MIS18A: variants seen among roughly 807,000 people sequenced by gnomAD.
MIS18A encodes the protein protein Mis18-alpha.
MIS18A carries 14 observed loss-of-function variants against 25.0 expected under a neutral mutation model. That is an observed-to-expected ratio of 0.56 (90% CI 0.37 to 0.88). The LOEUF (loss-of-function observed/expected upper bound fraction) is 0.88. Ranked by LOEUF, MIS18A falls within the 40% of genes least tolerant of loss-of-function variation. MIS18A has a pLI of 0.00. For missense variants in MIS18A, 292 were observed against 290.8 expected, an observed-to-expected ratio of 1.00 and a Z score of -0.03; for synonymous variants, 134 against 118.6, an observed-to-expected ratio of 1.13 and a Z score of -0.84.
the MIS18A span, among the ~76,000 whole-genome samples, chr21:32,179,428 C>T: frequency 8.7e-6 from 1 of 114,602 alleles, no homozygotes; most frequent in African/African-American, 3.5e-5. Context: ...TGTCCCCCTT[C>T]ATGCACACAT....
rs1039575300 is a variant in MIS18A, at chr21:32,270,330, G to A, written c.524+77C>T. Reference sequence around the variant, plus strand: ...AAAATATATTTAACCAAACAGTATTGATTTAGTTCTGACAATTCCGTGCCT... The same window carrying A: ...AAAATATATTTAACCAAACAGTATTAATTTAGTTCTGACAATTCCGTGCCT... On this transcript the variant is annotated intron_variant, in intron 3 of 4. Transcript: ENST00000290130. 4 of 1,503,862 alleles carry A rather than the reference G, an allele frequency of 2.7e-6. No individual in the cohort carries two copies. The African/African-American group carries it at 5.6e-5, about 21-fold the overall frequency. The allele number at this position is 1,503,862 out of a possible 1,614,324, so 93.2% of individuals were successfully genotyped here.
At chr21:32,166,459 G>C in the MIS18A span, among the ~76,000 whole-genome samples, 80 of 152,258 alleles carry the variant, frequency 5.3e-4, no homozygotes, top group African/African-American at 1.7e-3. Flanking sequence ...AATGAGCCTG[G>C]AGTATTGTGT....
the MIS18A span, chr21:32,261,586 G>C: frequency 5.3e-5 from 8 of 152,368 alleles, no homozygotes; most frequent in African/African-American, 1.7e-4. Context: ...CACGTATTAC[G>C]GGGCTGCATT....
chr21:32,262,054 T>C, the MIS18A span, among the ~76,000 whole-genome samples: 8 of 152,212 alleles, frequency 5.3e-5, no homozygotes, highest in Non-Finnish European at 1.0e-4. Flanking sequence ...AAGGCAGCCA[T>C]GCACAGAAGG....
chr21:32,157,150 GGTTCAAAT>G, the MIS18A span, among the ~76,000 whole-genome samples: 2 of 149,400 alleles, frequency 1.3e-5, no homozygotes, highest in Admixed American at 6.7e-5. Context: ...CTGCCGCCCG[GGTTCAAAT>G]GATTTTCCTG....
At chr21:32,194,600 G>A in the MIS18A span, among the ~76,000 whole-genome samples, 2 of 151,686 alleles carry the variant, frequency 1.3e-5, no homozygotes, top group African/African-American at 2.4e-5. Context: ...CAGAGGTTTC[G>A]GTGAGCCAAG....
chr21:32,209,703 CG>C, the MIS18A span, among the ~76,000 whole-genome samples: 2 of 152,090 alleles, frequency 1.3e-5, no homozygotes, highest in African/African-American at 4.8e-5. Flanking sequence ...ATCATGGGGG[CG>C]GTTACCCTAG....
chr21:32,236,508 G>A, the MIS18A span, among the ~76,000 whole-genome samples: 1 of 152,100 alleles, frequency 6.6e-6, no homozygotes, highest in South Asian at 2.1e-4. Context: ...TCTGTCTTAT[G>A]TAGAAGTCCA....
chr21:32,259,702 G>C, the MIS18A span: 1 of 152,228 alleles, frequency 6.6e-6, no homozygotes, highest in East Asian at 1.9e-4. Flanking sequence ...CTTCTCCCTT[G>C]CACCCAGACA....
At chr21:32,253,064 G>C in the MIS18A span, among the ~76,000 whole-genome samples, 1 of 152,214 alleles carries the variant, frequency 6.6e-6, no homozygotes, top group Non-Finnish European at 1.5e-5. Flanking sequence ...TGCTTTAGGG[G>C]AGCTGTGCTC....
chr21:32,261,739 C>G, the MIS18A span, among the ~76,000 whole-genome samples: 16 of 152,134 alleles, frequency 1.1e-4, no homozygotes, highest in African/African-American at 3.9e-4. Context: ...AAATAAATGA[C>G]TCAAAGGAGG....
At chr21:32,276,882 G>A (rs952303028) in intron 1 of MIS18A, among the ~76,000 whole-genome samples, 1 of 152,136 alleles carries the variant, frequency 6.6e-6, no homozygotes, top group African/African-American at 2.4e-5. Context: ...AGTGAGCTAT[G>A]ATTGCGCCAC....
At chr21:32,162,010 A>G in the MIS18A span, among the ~76,000 whole-genome samples, 1 of 152,060 alleles carries the variant, frequency 6.6e-6, no homozygotes, top group South Asian at 2.1e-4. Flanking sequence ...TAGTTAATAC[A>G]GTATATATTG....
chr21:32,208,129 G>GTC, the MIS18A span, among the ~76,000 whole-genome samples: 38 of 150,848 alleles, frequency 2.5e-4, no homozygotes, highest in East Asian at 9.7e-4. Flanking sequence ...TCTGCCTTTC[G>GTC]TCTCTCTCTC....
the MIS18A span, among the ~76,000 whole-genome samples, chr21:32,180,927 A>T: frequency 6.9e-6 from 1 of 144,302 alleles, no homozygotes; most frequent in Non-Finnish European, 1.5e-5. Flanking sequence ...CCAGTGGCTG[A>T]CTGGGAGAAG....
chr21:32,268,742 C>T lies in MIS18A; in HGVS notation c.*295G>A, dbSNP rs1260963578. ...GTCTTTAAAATGCGATTTTGAGAAACAATCACTTCTTTATCATAAAATATA... is the reference window on the plus strand; with the variant it reads ...GTCTTTAAAATGCGATTTTGAGAAATAATCACTTCTTTATCATAAAATATA... On this transcript the variant is annotated 3_prime_UTR_variant, in exon 5 of 5. Transcript: ENST00000290130. 4.3e-6 allele frequency: 1 copy of T among 230,682 alleles called. No individual in the cohort carries two copies. The highest frequency in any genetic ancestry group is 8.3e-6 in the Non-Finnish European group (1 of 119,908). The allele number at this position is 230,682 out of a possible 1,614,324, so 14.3% of individuals were successfully genotyped here.
At chr21:32,236,157 G>A in the MIS18A span, among the ~76,000 whole-genome samples, 5 of 151,838 alleles carry the variant, frequency 3.3e-5, no homozygotes, top group Non-Finnish European at 5.9e-5. Flanking sequence ...GGTGGATCAC[G>A]AGATCAGGAG....
At chr21:32,272,975 T>C (rs1028300093) in intron 2 of MIS18A, among the ~76,000 whole-genome samples, 1 of 152,164 alleles carries the variant, frequency 6.6e-6, no homozygotes, top group Non-Finnish European at 1.5e-5. Context: ...GGGCCTAACT[T>C]TCTTCAACTA....
the MIS18A span, among the ~76,000 whole-genome samples, chr21:32,211,555 G>C: frequency 6.6e-6 from 1 of 152,162 alleles, no homozygotes; most frequent in Admixed American, 6.5e-5. Flanking sequence ...CTGTTTCCAA[G>C]ATCCCAAAAG....
Sources: gnomAD v4.1 joint callset for allele counts (sites outside exome capture counted in the v4.1 genomes callset) on GRCh38, gnomAD v4.1.1 for gene constraint, MANE v1.5 for transcripts, NCBI Gene and HGNC (gene_info 2026-07-23, HGNC 2026-07-21) for gene names.